NUBPL: variants seen among roughly 807,000 people sequenced by gnomAD.
The protein encoded by NUBPL is NUBP iron-sulfur cluster assembly factor, mitochondrial.
Under a neutral mutation model 45.7 loss-of-function variants are expected in NUBPL, and 31 were observed. That is an observed-to-expected ratio of 0.68 (90% confidence interval 0.51 to 0.92). The LOEUF (loss-of-function observed/expected upper bound fraction) is 0.92. Among genes scored for constraint, NUBPL ranks in the 40% least tolerant of loss-of-function variants. NUBPL has a pLI of 0.00. For missense variants in NUBPL, 401 were observed against 398.7 expected (o/e 1.01, Z -0.05); for synonymous variants, 144 against 140.9 (o/e 1.02, Z -0.15).
intron 8 of NUBPL, among the ~76,000 whole-genome samples, chr14:31,831,911 A>C (rs2040199906): frequency 6.6e-6 from 1 of 152,232 alleles, no homozygotes; most frequent in African/African-American, 2.4e-5. Context: ...AGGAGCCAGG[A>C]AACATAGAGG....
At chr14:31,564,966 A>T in intron 2 of NUBPL, 48 bp from the exon 3 acceptor site, 1 of 1,003,894 alleles carries the variant, frequency 1.0e-6, no homozygotes. Context: ...AATGAATTTT[A>T]ATAGAAGGAA....
intron 7 of NUBPL, among the ~76,000 whole-genome samples, chr14:31,823,376 T>C (rs190648236): frequency 6.6e-6 from 1 of 152,186 alleles, no homozygotes; most frequent in East Asian, 1.9e-4. Context: ...AGACAAAAAG[T>C]GTTTAAAACA....
chr14:31,567,836 T>C (rs1346160902), intron 3 of NUBPL, among the ~76,000 whole-genome samples: 1 of 152,224 alleles, frequency 6.6e-6, no homozygotes, highest in Non-Finnish European at 1.5e-5. Context: ...CTAGGCTTAC[T>C]GAATCAGAAA....
rs957667062 is a variant in NUBPL at position 31,833,795 on chromosome 14, T to C, written c.693+7081T>C. On this transcript the variant is annotated intron_variant, in intron 8 of 10. Transcript: ENST00000281081. The stretch of plus-strand genomic sequence containing the variant: ...CAGAGGGATGTACCTACATTGGAGA[T>C]TTTTATGGGCCAGACCTAGATGTGA... Among the ~76,000 whole-genome samples the C allele has an allele frequency of 6.6e-5, 10 of 152,134 alleles. No individual in the cohort carries two copies. The East Asian group carries it at 1.9e-3, about 29-fold the overall frequency.
intron 6 of NUBPL, among the ~76,000 whole-genome samples, chr14:31,770,510 G>T (rs746182883): frequency 1.3e-5 from 2 of 152,126 alleles, no homozygotes; most frequent in East Asian, 1.9e-4. Flanking sequence ...TCAATCTTAG[G>T]TTCTACAATA....
intron 6 of NUBPL, among the ~76,000 whole-genome samples, chr14:31,734,844 T>G (rs931885561): frequency 1.3e-5 from 2 of 152,216 alleles, no homozygotes; most frequent in African/African-American, 4.8e-5. Flanking sequence ...GCTACTCCTC[T>G]TCTGTGAATC....
intron 6 of NUBPL, among the ~76,000 whole-genome samples, chr14:31,725,738 C>G (rs1235594707): frequency 2.0e-5 from 2 of 100,512 alleles, no homozygotes; most frequent in East Asian, 6.5e-4. Flanking sequence ...TGACTTGAGT[C>G]TCACTCTGTT....
At chr14:31,740,579 A>G (rs559399564) in intron 6 of NUBPL, among the ~76,000 whole-genome samples, 2 of 152,140 alleles carry the variant, frequency 1.3e-5, no homozygotes, top group Non-Finnish European at 2.9e-5. Flanking sequence ...TCTTTTGGAA[A>G]TATTTTCTCC....
intron 7 of NUBPL, among the ~76,000 whole-genome samples, chr14:31,812,527 C>T (rs1214615767): frequency 3.9e-5 from 6 of 152,164 alleles, no homozygotes; most frequent in Admixed American, 3.9e-4. Flanking sequence ...CTGATTTTCC[C>T]GGTACAGTCT....
At chr14:31,700,710 G>A (rs928636087) in intron 6 of NUBPL, among the ~76,000 whole-genome samples, 6 of 152,280 alleles carry the variant, frequency 3.9e-5, no homozygotes, top group South Asian at 4.1e-4. Context: ...TGGAGGGTGC[G>A]CTGGGTCCTC....
intron 6 of NUBPL, among the ~76,000 whole-genome samples, chr14:31,684,010 T>C (rs2036897935): frequency 6.6e-6 from 1 of 152,186 alleles, no homozygotes; most frequent in African/African-American, 2.4e-5. Context: ...TTCCTTGATA[T>C]CTTTGGGTCA....
chr14:31,810,862 C>A (rs1247073773), intron 7 of NUBPL, among the ~76,000 whole-genome samples: 2 of 152,134 alleles, frequency 1.3e-5, no homozygotes, highest in African/African-American at 4.8e-5. Context: ...GATTTTATTT[C>A]TCCTTCCCTT....
chr14:31,712,399 G>T (rs2037594760), intron 6 of NUBPL, among the ~76,000 whole-genome samples: 1 of 152,246 alleles, frequency 6.6e-6, no homozygotes, highest in South Asian at 2.1e-4. Context: ...CCCTGATCAA[G>T]CCCAGCAGGC....
chr14:31,760,510 A>G (rs2038783774), intron 6 of NUBPL, among the ~76,000 whole-genome samples: 1 of 152,010 alleles, frequency 6.6e-6, no homozygotes. Context: ...TATAACTGCC[A>G]TTCTATTCCT....
chr14:31,770,050 G>GT (rs993574097), intron 6 of NUBPL, among the ~76,000 whole-genome samples: 44 of 151,860 alleles, frequency 2.9e-4, no homozygotes, highest in African/African-American at 8.5e-4. Context: ...TTCAGTGCTT[G>GT]TTTTTTTTAA....
chr14:31,847,837 T>G (rs1412466043), intron 9 of NUBPL, among the ~76,000 whole-genome samples: 1 of 152,242 alleles, frequency 6.6e-6, no homozygotes, highest in East Asian at 1.9e-4. Flanking sequence ...TTTGATACAT[T>G]GCTATAATTA....
intron 4 of NUBPL, among the ~76,000 whole-genome samples, chr14:31,631,927 G>A (rs970698209): frequency 1.1e-4 from 16 of 152,008 alleles, no homozygotes; most frequent in African/African-American, 2.7e-4. Context: ...ATGGGTATAC[G>A]GTGGCCCAAA....
At chr14:31,812,975 TGTTA>T (rs1377741211) in intron 7 of NUBPL, among the ~76,000 whole-genome samples, 2 of 140,796 alleles carry the variant, frequency 1.4e-5, no homozygotes, top group South Asian at 2.3e-4. Flanking sequence ...GGATAGCTCT[TGTTA>T]GTTCTTTTTT....
chr14:31,856,229 G>A (rs544590441), intron 10 of NUBPL, among the ~76,000 whole-genome samples: 1 of 152,240 alleles, frequency 6.6e-6, no homozygotes, highest in South Asian at 2.1e-4. Flanking sequence ...GAGAGCTTGT[G>A]CAAGTAGACT....
Sources: allele counts gnomAD v4.1 joint callset (sites outside exome capture counted in the v4.1 genomes callset), GRCh38; gene constraint gnomAD v4.1.1; transcripts MANE v1.5; gene names NCBI Gene and HGNC (gene_info 2026-07-23, HGNC 2026-07-21).